TSPAN15: variants seen among roughly 807,000 people sequenced by gnomAD.
TSPAN15 encodes the protein tetraspanin 15.
Under a neutral mutation model 34.5 loss-of-function variants are expected in TSPAN15, and 20 were observed. The observed-to-expected ratio is 0.58, with a 90% CI of 0.41 to 0.84. The LOEUF is 0.84. TSPAN15 is among the 40% of genes least tolerant of loss of function. The probability of loss-of-function intolerance (pLI) is 0.00; values close to 1 mark genes in which losing one functional copy is unlikely to be tolerated. For synonymous variants in TSPAN15, 155 were observed against 153.9 expected (o/e 1.01, Z -0.05); for missense variants, 313 against 386.1 (o/e 0.81, Z 1.59).
At chr10:69,457,020 C>A (rs1227206274) in intron 1 of TSPAN15, among the ~76,000 whole-genome samples, 2 of 152,190 alleles carry the variant, frequency 1.3e-5, no homozygotes, top group African/African-American at 4.8e-5. Flanking sequence ...AATGAGCTCA[C>A]GCTGAGGCAC....
At chr10:69,536,917 G>C in the TSPAN15 span, among the ~76,000 whole-genome samples, 2 of 150,878 alleles carry the variant, frequency 1.3e-5, no homozygotes, top group Admixed American at 1.3e-4. Flanking sequence ...TCAGGAGGCA[G>C]AAGTTGCAGT....
chr10:69,530,177 A>G, the TSPAN15 span, among the ~76,000 whole-genome samples: 1 of 147,514 alleles, frequency 6.8e-6, no homozygotes, highest in Admixed American at 7.0e-5. Flanking sequence ...GAGGATGGAA[A>G]ATTGAAGGTT....
intron 1 of TSPAN15, among the ~76,000 whole-genome samples, chr10:69,471,591 C>A (rs1485700764): frequency 1.3e-5 from 2 of 150,944 alleles, no homozygotes; most frequent in Non-Finnish European, 2.9e-5. Context: ...TCTCTCCCTC[C>A]CCTCTTCCCT....
At chr10:69,537,018 C>T in the TSPAN15 span, among the ~76,000 whole-genome samples, 1 of 150,856 alleles carries the variant, frequency 6.6e-6, no homozygotes, top group Non-Finnish European at 1.5e-5. Context: ...CAGTCCTATT[C>T]CATTAGGGCC....
At chr10:69,540,679 C>A in the TSPAN15 span, among the ~76,000 whole-genome samples, 2 of 152,192 alleles carry the variant, frequency 1.3e-5, no homozygotes, top group East Asian at 3.9e-4. Context: ...AGGATATACC[C>A]CAACATGCTT....
the TSPAN15 span, among the ~76,000 whole-genome samples, chr10:69,548,149 AG>A: frequency 6.6e-6 from 1 of 152,096 alleles, no homozygotes; most frequent in African/African-American, 2.4e-5. Flanking sequence ...GTAATCAGAA[AG>A]GGGGGAAAGG....
chr10:69,544,635 T>C, the TSPAN15 span, among the ~76,000 whole-genome samples: 1 of 152,194 alleles, frequency 6.6e-6, no homozygotes, highest in Non-Finnish European at 1.5e-5. Flanking sequence ...AGTCCTCTCT[T>C]TTCCTCTTCC....
intron 1 of TSPAN15, among the ~76,000 whole-genome samples, chr10:69,451,983 G>T (rs1840981691): frequency 6.6e-6 from 1 of 152,288 alleles, no homozygotes; most frequent in Non-Finnish European, 1.5e-5. Context: ...CGGCTGGCTA[G>T]GCTGAGGTGA....
chr10:69,545,995 AC>A, the TSPAN15 span, among the ~76,000 whole-genome samples: 18 of 149,970 alleles, frequency 1.2e-4, no homozygotes, highest in African/African-American at 4.2e-4. Flanking sequence ...AAACAAACAA[AC>A]AAACAAAAAA....
chr10:69,453,620 C>T (rs895044839), intron 1 of TSPAN15, among the ~76,000 whole-genome samples: 2 of 152,246 alleles, frequency 1.3e-5, no homozygotes, highest in African/African-American at 4.8e-5. Context: ...CTGCCCTGTA[C>T]CTCACTGAAT....
At chr10:69,499,333 C>T (rs1263188223) in intron 5 of TSPAN15, among the ~76,000 whole-genome samples, 1 of 152,174 alleles carries the variant, frequency 6.6e-6, no homozygotes, top group Non-Finnish European at 1.5e-5. Flanking sequence ...GTGCCAAGTG[C>T]ACTAGCTCTA....
rs756846636 is a variant in TSPAN15 at position 69,507,009 on chromosome 10, G to A, written c.*31G>A. Reference sequence around the variant, plus strand: ...AGCCTGCCATGGCAGCTCCAACAAGGACCGTCTGGGATAGCACCTCTCAGT... The same window carrying A: ...AGCCTGCCATGGCAGCTCCAACAAGAACCGTCTGGGATAGCACCTCTCAGT... On this transcript the variant is annotated 3_prime_UTR_variant, in exon 8 of 8. Transcript: ENST00000373290. 39 of 1,598,640 alleles carry A rather than the reference G, an allele frequency of 2.4e-5. No individual in the cohort carries two copies. In the South Asian group the frequency reaches 2.6e-4, roughly 11 times the overall value.
intron 3 of TSPAN15, among the ~76,000 whole-genome samples, chr10:69,490,276 G>A (rs1450781292): frequency 6.6e-6 from 1 of 152,192 alleles, no homozygotes; most frequent in Non-Finnish European, 1.5e-5. Flanking sequence ...TTCCCTTGGT[G>A]TCCGACGGGG....
exon 8 of TSPAN15, chr10:69,507,651 G>GTTTTTTTTTTTTTTTTT: frequency 3.0e-6 from 3 of 1,007,624 alleles, no homozygotes; most frequent in East Asian, 8.2e-5. Flanking sequence ...ATAAAAACAT[G>GTTTTTTTTTTTTTTTTT]TTTTTTTTTT....
the TSPAN15 span, among the ~76,000 whole-genome samples, chr10:69,548,098 G>A: frequency 6.6e-6 from 1 of 152,092 alleles, no homozygotes; most frequent in Non-Finnish European, 1.5e-5. Flanking sequence ...AGAACCACAT[G>A]GAATTGGGGA....
At chr10:69,538,328 C>T in the TSPAN15 span, among the ~76,000 whole-genome samples, 1 of 152,252 alleles carries the variant, frequency 6.6e-6, no homozygotes, top group East Asian at 1.9e-4. Flanking sequence ...AGGTGAGGAC[C>T]CCTCCTCCCA....
chr10:69,520,888 G>T, the TSPAN15 span, among the ~76,000 whole-genome samples: 698 of 152,238 alleles, frequency 4.6e-3, 9 homozygotes, highest in African/African-American at 0.016. Context: ...GCTTTTTGAA[G>T]AACTGCTGAG....
At chr10:69,451,941 C>A (rs1394443198) in intron 1 of TSPAN15, among the ~76,000 whole-genome samples, 1 of 152,268 alleles carries the variant, frequency 6.6e-6, no homozygotes, top group Non-Finnish European at 1.5e-5. Flanking sequence ...TGTGCACCGG[C>A]TGGGCGGTTT....
chr10:69,519,857 C>T, the TSPAN15 span, among the ~76,000 whole-genome samples: 2 of 152,078 alleles, frequency 1.3e-5, no homozygotes, highest in African/African-American at 2.4e-5. Context: ...CTCAGCCTCC[C>T]GAGTAGCTGG....
Sources: allele counts gnomAD v4.1 joint callset (sites outside exome capture counted in the v4.1 genomes callset), GRCh38; gene constraint gnomAD v4.1.1; transcripts MANE v1.5; gene names NCBI Gene and HGNC (gene_info 2026-07-23, HGNC 2026-07-21).